KIAA0319L: variants seen among roughly 807,000 people sequenced by gnomAD.
KIAA0319L encodes dyslexia-associated protein KIAA0319-like protein.
Under a neutral mutation model 120.1 loss-of-function variants are expected in KIAA0319L, and 55 were observed. The observed-to-expected ratio is 0.46, with a 90% CI of 0.37 to 0.57. The LOEUF (loss-of-function observed/expected upper bound fraction) is 0.57. Ranked by LOEUF, KIAA0319L falls within the 20% of genes least tolerant of loss-of-function variation. The pLI is 0.00. For synonymous variants in KIAA0319L, 398 were observed against 471.9 expected (o/e 0.84, Z 2.03); for missense variants, 1,049 against 1,255.3 (o/e 0.84, Z 2.48).
intron 7 of KIAA0319L, among the ~76,000 whole-genome samples, chr1:35,463,151 G>C (rs1643016766): frequency 6.6e-6 from 1 of 152,138 alleles, no homozygotes; most frequent in African/African-American, 2.4e-5. Context: ...CATGGCCTTG[G>C]GGCTGGGGAC....
At chr1:35,459,914 T>C (rs1222504244) in intron 9 of KIAA0319L, among the ~76,000 whole-genome samples, 1 of 152,056 alleles carries the variant, frequency 6.6e-6, no homozygotes, top group African/African-American at 2.4e-5. Context: ...GATTATGAGG[T>C]ACGTAAGCTG....
At chr1:35,498,507 A>G (rs184141327) in intron 3 of KIAA0319L, among the ~76,000 whole-genome samples, 216 of 152,294 alleles carry the variant, frequency 1.4e-3, no homozygotes, top group Non-Finnish European at 2.0e-3. Flanking sequence ...CATAATGATG[A>G]AAGGTTTCAA....
At chr1:35,457,884 A>G (rs1642597685) in intron 9 of KIAA0319L, among the ~76,000 whole-genome samples, 2 of 152,202 alleles carry the variant, frequency 1.3e-5, no homozygotes, top group South Asian at 4.1e-4. Flanking sequence ...AATTTACAGA[A>G]GTTTTGCCTC....
intron 12 of KIAA0319L, among the ~76,000 whole-genome samples, 195 bp from the exon 13 acceptor site, chr1:35,451,971 A>C (rs760988754): frequency 5.3e-5 from 8 of 152,236 alleles, no homozygotes; most frequent in Non-Finnish European, 1.0e-4. Flanking sequence ...CCTGCTGGTC[A>C]GAAAATTCAA....
chr1:35,462,566 A>G, intron 8 of KIAA0319L, 55 bp downstream of exon 8: 1 of 1,406,392 alleles, frequency 7.1e-7, no homozygotes, highest in Non-Finnish European at 1.0e-6. Context: ...AGAGTTTTCT[A>G]TCAGAGTACA....
At chr1:35,550,820 A>G (rs1647172919) in intron 2 of KIAA0319L, among the ~76,000 whole-genome samples, 1 of 152,088 alleles carries the variant, frequency 6.6e-6, no homozygotes, top group Non-Finnish European at 1.5e-5. Flanking sequence ...CTCCCATCTT[A>G]GCCCCCGAGT....
At chr1:35,446,627 C>G (rs769316516) in intron 16 of KIAA0319L, among the ~76,000 whole-genome samples, 3 of 152,194 alleles carry the variant, frequency 2.0e-5, no homozygotes. Context: ...TTTGGAAGCA[C>G]CCCTTTTGCC....
intron 3 of KIAA0319L, among the ~76,000 whole-genome samples, chr1:35,481,291 T>A (rs1231429958): frequency 6.6e-6 from 1 of 152,234 alleles, no homozygotes; most frequent in Non-Finnish European, 1.5e-5. Context: ...CTAATTTATC[T>A]TAGGTAGTTA....
At position 35,503,058 on chromosome 1, in the gene KIAA0319L, C is replaced by A. The variant is rs138939069; in HGVS notation, c.666+3554G>T. On this transcript the variant is annotated intron_variant, in intron 3 of 20. Coordinates refer to ENST00000325722, the MANE Select transcript of KIAA0319L (RefSeq NM_024874.5). Reference sequence around the variant, plus strand: ...TCTTACCTAGTTTGCCATCTTCTATCCTTCACGATGGCTATTTTAGACCTT... The same window carrying A: ...TCTTACCTAGTTTGCCATCTTCTATACTTCACGATGGCTATTTTAGACCTT... Among the ~76,000 whole-genome samples the A allele has an allele frequency of 3.9e-5, 6 of 152,124 alleles. No individual in the cohort carries two copies. In the East Asian group the frequency reaches 1.2e-3, roughly 29 times the overall value.
chr1:35,442,400 C>G (rs1399338652), intron 18 of KIAA0319L, 64 bp from the exon 19 acceptor site: 1 of 1,287,712 alleles, frequency 7.8e-7, no homozygotes, highest in African/African-American at 1.5e-5. Context: ...GTCTGGGCTG[C>G]TCCCAGCTTG....
At chr1:35,456,865 A>C (rs1207702585) in intron 9 of KIAA0319L, among the ~76,000 whole-genome samples, 1 of 129,534 alleles carries the variant, frequency 7.7e-6, no homozygotes, top group African/African-American at 2.8e-5. Context: ...GGAAGGAGGA[A>C]GGGAGGGAAG....
At chr1:35,541,333 C>CTT (rs768545066) in intron 2 of KIAA0319L, among the ~76,000 whole-genome samples, 2 of 117,346 alleles carry the variant, frequency 1.7e-5, no homozygotes. Context: ...CAAGCTACTT[C>CTT]TTTTTTTTTT....
Position 35,522,777 on chromosome 1 carries a change from G to C in KIAA0319L, c.143-15642C>G, listed in dbSNP as rs187017687. ...TCATGCCTGTAATCCCAGCACTTTG[G>C]GAGGCCGAGGTGGGTGGATCATGAG... is the stretch of plus-strand genomic sequence containing the variant. On this transcript the variant is annotated intron_variant, in intron 2 of 20. Transcript: ENST00000325722. 2.6e-3 allele frequency among the ~76,000 whole-genome samples: 391 copies of C among 151,764 alleles called. 3 individuals carry two copies. The highest frequency in any genetic ancestry group is 9.2e-3 in the African/African-American group (380 of 41,396).
At chr1:35,494,181 G>A (rs562529652) in intron 3 of KIAA0319L, among the ~76,000 whole-genome samples, 26 of 152,154 alleles carry the variant, frequency 1.7e-4, no homozygotes, top group African/African-American at 5.8e-4. Context: ...GGGCTCAATG[G>A]CTCACACCGG....
At chr1:35,495,277 G>A (rs1041267986) in intron 3 of KIAA0319L, among the ~76,000 whole-genome samples, 1 of 152,142 alleles carries the variant, frequency 6.6e-6, no homozygotes. Flanking sequence ...GGAGGGTGAG[G>A]CAGAAAAATC....
chr1:35,483,028 C>T (rs1254755490), intron 3 of KIAA0319L, among the ~76,000 whole-genome samples: 6 of 152,148 alleles, frequency 3.9e-5, no homozygotes, highest in Admixed American at 6.5e-5. Flanking sequence ...ATGTATTTAT[C>T]GGACACCTGT....
At chr1:35,495,199 C>A (rs936645116) in intron 3 of KIAA0319L, among the ~76,000 whole-genome samples, 1 of 151,910 alleles carries the variant, frequency 6.6e-6, no homozygotes, top group Non-Finnish European at 1.5e-5. Context: ...ATGGTGAAAC[C>A]CCATCTCTAC....
At chr1:35,463,407 A>G (rs11583031) in intron 7 of KIAA0319L, among the ~76,000 whole-genome samples, 1 of 152,228 alleles carries the variant, frequency 6.6e-6, no homozygotes, top group Non-Finnish European at 1.5e-5. Context: ...GCTGTGGGCA[A>G]TAAAGACCTT....
intron 10 of KIAA0319L, among the ~76,000 whole-genome samples, chr1:35,455,565 TTAAGA>T (rs1045738477): frequency 6.7e-6 from 1 of 149,564 alleles, no homozygotes; most frequent in Non-Finnish European, 1.5e-5. Context: ...TACTAAACAT[TTAAGA>T]TAATTTTTTT....
Sources: allele counts gnomAD v4.1 joint callset (sites outside exome capture counted in the v4.1 genomes callset), GRCh38; gene constraint gnomAD v4.1.1; transcripts MANE v1.5; gene names NCBI Gene and HGNC (gene_info 2026-07-23, HGNC 2026-07-21).